SCG3: variants seen among roughly 807,000 people sequenced by gnomAD.
SCG3 encodes secretogranin III.
SCG3 carries 38 observed loss-of-function variants against 56.2 expected under a neutral mutation model. That is an observed-to-expected ratio of 0.68 (90% CI 0.52 to 0.89). SCG3 has a LOEUF of 0.89. Among genes scored for constraint, SCG3 ranks in the 40% least tolerant of loss-of-function variants. SCG3 has a pLI of 0.00. For synonymous variants in SCG3, 176 were observed against 184.2 expected (o/e 0.96, Z 0.36); for missense variants, 524 against 540.7 (o/e 0.97, Z 0.31).
intron 10 of SCG3, among the ~76,000 whole-genome samples, chr15:51,705,133 C>T (rs968151597): frequency 6.6e-6 from 1 of 152,162 alleles, no homozygotes; most frequent in East Asian, 1.9e-4. Context: ...TACAGCTCAC[C>T]TCAACAGAAA....
intron 11 of SCG3, among the ~76,000 whole-genome samples, chr15:51,717,806 T>C (rs904599107): frequency 1.3e-5 from 2 of 152,224 alleles, no homozygotes; most frequent in African/African-American, 4.8e-5. Flanking sequence ...CTCTTGGGCC[T>C]TTCATGGAGA....
At position 51,682,528 on chromosome 15, in the gene SCG3, C is replaced by A; in HGVS notation, c.94C>A (p.His32Asn). The A allele has an allele frequency of 6.9e-7, 1 of 1,447,172 alleles. No individual in the cohort carries two copies. 89.6% of individuals were successfully genotyped at this position (1,447,172 alleles called of 1,614,324 possible). Reference protein sequence around the residue: ...KPGGSQDKSLHNRELSAERPL... With the variant: ...KPGGSQDKSLNNRELSAERPL... ...TGTGTTTATTCTAGACAAATCTCTA[C>A]ATAATAGAGAATTAAGTGCAGAAAG... is the stretch of plus-strand genomic sequence containing the variant. Residue 32 changes from histidine to asparagine, a missense_variant, in exon 2 of 12, where the codon CAT becomes AAT. Coordinates refer to ENST00000220478, the MANE Select transcript of SCG3 (RefSeq NM_013243.4).
At chr15:51,704,266 T>TATATATACATAC (rs1555457971) in intron 10 of SCG3, among the ~76,000 whole-genome samples, 7 of 135,994 alleles carry the variant, frequency 5.1e-5, no homozygotes, top group African/African-American at 2.1e-4. Flanking sequence ...TATATATATA[T>TATATATACATAC]ATATATATAT....
intron 7 of SCG3, chr15:51,693,520 TG>T (rs1288108128): frequency 1.3e-5 from 2 of 152,228 alleles, no homozygotes; most frequent in Non-Finnish European, 1.5e-5. Context: ...ATTCAGTCCA[TG>T]TTTATTTTGG....
In SCG3 at chr15:51,692,080, T is replaced by C. The variant is rs1038702353; in HGVS notation, c.691-79T>C. The C allele has an allele frequency of 2.2e-6, 3 of 1,376,652 alleles. 1 individual carries two copies. Among genetic ancestry groups the C allele is most frequent in the Middle Eastern group, 3.8e-4 (2 of 5,322 alleles). 85.3% of individuals were successfully genotyped at this position (1,376,652 alleles called of 1,614,324 possible). A position where few individuals can be genotyped will look rare whatever the true frequency, so the allele number is the denominator to read the frequency against. On this transcript the variant is annotated intron_variant, in intron 6 of 11. Transcript: ENST00000220478. ...TTCTTGCACTTCACATTTAAGGGCATCACAAAGGAAGGAATCAAGCTGGAG... is the reference window on the plus strand; with the variant it reads ...TTCTTGCACTTCACATTTAAGGGCACCACAAAGGAAGGAATCAAGCTGGAG...
intron 8 of SCG3, 28 bp downstream of exon 8, chr15:51,696,019 T>A: frequency 7.7e-7 from 1 of 1,306,624 alleles, no homozygotes; most frequent in Non-Finnish European, 1.1e-6. Flanking sequence ...TTGTTTCTAC[T>A]GTGGTGGTTT....
In SCG3 at chr15:51,719,547, G is replaced by C. The variant is rs572556409; in HGVS notation, c.*21G>C. ...TGTAAAAATGGCAAAAGATCCAGGA[G>C]TCTTTCAACTGTTTCAGAAAACATA... On this transcript the variant is annotated 3_prime_UTR_variant, in exon 12 of 12. Transcript: ENST00000220478. 1 of 1,497,410 alleles carries C rather than the reference G, an allele frequency of 6.7e-7. No individual in the cohort carries two copies. The highest frequency in any genetic ancestry group is 1.1e-5 in the South Asian group (1 of 87,442). The allele number at this position is 1,497,410 out of a possible 1,614,324, so 92.8% of individuals were successfully genotyped here. A position where few individuals can be genotyped will look rare whatever the true frequency, so the allele number is the denominator to read the frequency against.
intron 8 of SCG3, among the ~76,000 whole-genome samples, chr15:51,697,827 T>C (rs2055313637): frequency 6.6e-6 from 1 of 152,242 alleles, no homozygotes; most frequent in Admixed American, 6.5e-5. Context: ...ATATGTATTA[T>C]GTGTGTATAT....
chr15:51,696,885 T>C (rs8029731), intron 8 of SCG3, among the ~76,000 whole-genome samples: 35,405 of 152,062 alleles, frequency 0.23, 4,323 homozygotes, highest in African/African-American at 0.28. Context: ...CTGGGGACTG[T>C]ATTTCAACAT....
chr15:51,700,848 G>T (rs2055334757), intron 9 of SCG3, among the ~76,000 whole-genome samples: 1 of 150,560 alleles, frequency 6.6e-6, no homozygotes, highest in Non-Finnish European at 1.5e-5. Flanking sequence ...GAAAGCTGGG[G>T]TGGGGTGGGG....
chr15:51,699,691 G>A (rs1052836236), intron 9 of SCG3, among the ~76,000 whole-genome samples: 8 of 152,088 alleles, frequency 5.3e-5, no homozygotes, highest in African/African-American at 1.9e-4. Context: ...ACAAAACTGA[G>A]CAATCCATCC....
chr15:51,716,856 T>C (rs374402901), intron 11 of SCG3, among the ~76,000 whole-genome samples: 12 of 152,254 alleles, frequency 7.9e-5, no homozygotes, highest in African/African-American at 2.7e-4. Context: ...ACCAGTTGCA[T>C]GTCCAGGCCT....
At chr15:51,704,222 TGTGTGTATACATACATACATAC>T (rs2055356148) in intron 10 of SCG3, among the ~76,000 whole-genome samples, 1 of 127,612 alleles carries the variant, frequency 7.8e-6, no homozygotes, top group East Asian at 2.3e-4. Context: ...TATATATATA[TGTGTGTATACATACATACATAC>T]ATATATATAT....
At chr15:51,710,946 C>G (rs2141579979) in intron 10 of SCG3, among the ~76,000 whole-genome samples, 1 of 152,054 alleles carries the variant, frequency 6.6e-6, no homozygotes, top group Middle Eastern at 3.4e-3. Context: ...AAGGCATGCA[C>G]TAAGAGAAGG....
intron 2 of SCG3, 147 bp from the exon 3 acceptor site, chr15:51,682,932 A>T: frequency 1.6e-6 from 1 of 619,796 alleles, no homozygotes; most frequent in Non-Finnish European, 2.8e-6. Flanking sequence ...TCATTTAATT[A>T]TTATAACAGT....
At chr15:51,695,778 C>A (rs567963998) in intron 7 of SCG3, 97 bp from the exon 8 acceptor site, 4 of 722,198 alleles carry the variant, frequency 5.5e-6, no homozygotes, top group South Asian at 3.6e-5. Flanking sequence ...AAAAAAAAAC[C>A]CAAACAAACA....
intron 6 of SCG3, among the ~76,000 whole-genome samples, chr15:51,690,778 G>A (rs1046938910): frequency 3.3e-5 from 5 of 152,002 alleles, no homozygotes; most frequent in African/African-American, 1.2e-4. Context: ...ATGTTCATAT[G>A]CTTGACCTGT....
chr15:51,711,793 A>C (rs888393113), intron 10 of SCG3, among the ~76,000 whole-genome samples: 4 of 152,194 alleles, frequency 2.6e-5, no homozygotes, highest in Non-Finnish European at 5.9e-5. Flanking sequence ...GAAGTAAATA[A>C]GGACTAAAAA....
chr15:51,689,175 A>G, intron 5 of SCG3, 44 bp from the exon 6 acceptor site: 1 of 1,581,882 alleles, frequency 6.3e-7, no homozygotes, highest in Non-Finnish European at 8.6e-7. Context: ...TAATAACAAG[A>G]CTGGGAATAT....
Sources: gnomAD v4.1 joint callset for allele counts (sites outside exome capture counted in the v4.1 genomes callset) on GRCh38, gnomAD v4.1.1 for gene constraint, MANE v1.5 for transcripts, NCBI Gene and HGNC (gene_info 2026-07-23, HGNC 2026-07-21) for gene names.